PYGL: variants seen among roughly 807,000 people sequenced by gnomAD.
PYGL encodes glycogen phosphorylase L, also known as glycogen phosphorylase, liver form.
A neutral mutation model predicts 100.1 loss-of-function variants in PYGL; 90 were observed. The ratio of observed to expected loss-of-function variants is 0.90; its 90% CI spans 0.76 to 1.07. The LOEUF (loss-of-function observed/expected upper bound fraction) is 1.07, where lower values mean the gene tolerates loss of function less well. Among genes scored for constraint, PYGL ranks in the 50% least tolerant of loss-of-function variants. The pLI is 0.00. For synonymous variants in PYGL, 373 were observed against 393.0 expected, an observed-to-expected ratio of 0.95 and a Z score of 0.60; for missense variants, 1,016 against 1,057.6, an observed-to-expected ratio of 0.96 and a Z score of 0.55.
intron 4 of PYGL, among the ~76,000 whole-genome samples, chr14:50,925,766 T>G (rs986628543): frequency 2.0e-5 from 3 of 152,212 alleles, no homozygotes; most frequent in African/African-American, 7.2e-5. Flanking sequence ...GAAATGGGAC[T>G]CATAGCAACA....
chr14:50,917,375 T>A (rs532584377), intron 7 of PYGL, among the ~76,000 whole-genome samples: 1 of 152,274 alleles, frequency 6.6e-6, no homozygotes, highest in Non-Finnish European at 1.5e-5. Flanking sequence ...GAAAAACAGA[T>A]GCATGAGTGG....
chr14:50,936,961 C>A (rs1428947358), intron 2 of PYGL, among the ~76,000 whole-genome samples: 1 of 152,118 alleles, frequency 6.6e-6, no homozygotes, highest in East Asian at 1.9e-4. Context: ...AGGAAATACT[C>A]CACCTAACCC....
intron 4 of PYGL, among the ~76,000 whole-genome samples, chr14:50,926,103 G>T (rs1019419112): frequency 1.3e-5 from 2 of 152,144 alleles, no homozygotes; most frequent in Non-Finnish European, 1.5e-5. Flanking sequence ...AGAGAACAAA[G>T]ATAAAATTTT....
Position 50,915,920 on chromosome 14 carries a change from G to C in PYGL, c.1144C>G (p.Pro382Ala). 1 of 1,614,254 alleles carries C rather than the reference G, an allele frequency of 6.2e-7. No homozygotes were observed. Residue 382 changes from proline to alanine, a missense_variant, in exon 10 of 20, where the codon CCG (proline) becomes GCG (alanine). Coordinates refer to ENST00000216392, the MANE Select transcript of PYGL (RefSeq NM_002863.5). ...TFAYTNHTVL[P>A]EALERWPVDL... is the part of the protein sequence containing the mutation. ...ACGGGCCAGCGCTCCAGGGCTTCCG[G>C]GAGCACTGTGTGGTTGGTGTAGGCG...
At position 50,905,221 on chromosome 14, in the gene PYGL, C is replaced by T. The variant is rs1387929988; in HGVS notation, c.*171G>A. On this transcript the variant is annotated 3_prime_UTR_variant, in exon 20 of 20. Coordinates refer to ENST00000216392, the MANE Select transcript of PYGL (RefSeq NM_002863.5). ...AAATAAGTTTTGGCACTCATGTAGC[C>T]CTTGGAAATTGACACTTTATTTTTA... The T allele has an allele frequency of 2.9e-6, 2 of 679,770 alleles. No individual in the cohort carries two copies. Among genetic ancestry groups the T allele is most frequent in the Non-Finnish European group, 4.9e-6 (2 of 407,860 alleles). 42.1% of individuals were successfully genotyped at this position (679,770 alleles called of 1,614,324 possible).
intron 7 of PYGL, among the ~76,000 whole-genome samples, chr14:50,919,094 A>T (rs916585671): frequency 3.3e-5 from 5 of 152,214 alleles, no homozygotes; most frequent in African/African-American, 1.2e-4. Flanking sequence ...TACCCAACAA[A>T]TCTAGTCAAT....
At chr14:50,934,307 C>A (rs1401058616) in intron 3 of PYGL, among the ~76,000 whole-genome samples, 4 of 152,216 alleles carry the variant, frequency 2.6e-5, no homozygotes, top group African/African-American at 9.6e-5. Flanking sequence ...CAATGGTTGA[C>A]CAACTGGGGT....
chr14:50,919,368 C>T (rs1453507717), intron 7 of PYGL, among the ~76,000 whole-genome samples: 1 of 152,136 alleles, frequency 6.6e-6, no homozygotes, highest in Admixed American at 6.5e-5. Flanking sequence ...TAGCATATAC[C>T]ATTAGGTTCC....
intron 18 of PYGL, 43 bp downstream of exon 18, chr14:50,908,778 C>T: frequency 1.3e-6 from 2 of 1,530,608 alleles, no homozygotes; most frequent in South Asian, 2.2e-5. Flanking sequence ...TTCTTGTCCC[C>T]CTTTCATGAT....
In PYGL at chr14:50,931,746, C is replaced by A. The variant is rs746173801; in HGVS notation, c.455G>T (p.Gly152Val). ...ACFLDSMATL[G>V]LAAYGYGIRY... ...AATGCCGTATCCATAGGCTGCAAGT[C>A]CCAGGGTTGCCATGGAATCCAAGAA... Residue 152 changes from glycine to valine, a missense_variant, in exon 4 of 20, where the codon GGA becomes GTA. Physicochemically the swap from Gly to Val is moderately radical, Grantham distance 109. Transcript: ENST00000216392. 1 of 1,613,866 alleles carries A rather than the reference C, an allele frequency of 6.2e-7. No homozygotes were observed. The highest frequency in any genetic ancestry group is 8.5e-7 in the Non-Finnish European group (1 of 1,179,864).
chr14:50,912,138 G>T lies in PYGL; in HGVS notation c.1768+18C>A. ...CTTCCACCTGCAAGGGGGCTTGTTG[G>T]CTACAGGGCTGACTCACGGTTGTAC... On this transcript the variant is annotated intron_variant, in intron 14 of 19. Coordinates refer to ENST00000216392, the MANE Select transcript of PYGL (RefSeq NM_002863.5). 4 of 1,614,204 alleles carry T rather than the reference G, an allele frequency of 2.5e-6. No homozygotes were observed. The highest frequency in any genetic ancestry group is 3.4e-6 in the Non-Finnish European group (4 of 1,180,034).
At chr14:50,917,784 C>G (rs1447647441) in intron 7 of PYGL, among the ~76,000 whole-genome samples, 1 of 152,224 alleles carries the variant, frequency 6.6e-6, no homozygotes, top group Non-Finnish European at 1.5e-5. Context: ...CCAAGTTCCT[C>G]CCACATAGAT....
intron 13 of PYGL, 123 bp from the exon 14 acceptor site, chr14:50,912,426 T>A: frequency 8.0e-7 from 1 of 1,247,618 alleles, no homozygotes; most frequent in Non-Finnish European, 1.2e-6. Context: ...TGGCATGATC[T>A]CAGATCACCG....
At chr14:50,934,952 C>G (rs1024798483) in intron 3 of PYGL, among the ~76,000 whole-genome samples, 155 bp downstream of exon 3, 1 of 152,098 alleles carries the variant, frequency 6.6e-6, no homozygotes, top group Non-Finnish European at 1.5e-5. Flanking sequence ...TTGATCAAAC[C>G]AAAGTGCAAA....
intron 13 of PYGL, 45 bp downstream of exon 13, chr14:50,912,984 C>A (rs774433354): frequency 3.1e-5 from 48 of 1,556,944 alleles, no homozygotes; most frequent in Admixed American, 8.4e-5. Flanking sequence ...AGGATAAACT[C>A]TCACAGTGAG....
Position 50,924,052 on chromosome 14 carries a change from A to C in PYGL, c.577T>G (p.Ser193Ala), listed in dbSNP as rs1453212091. 1 of 1,613,714 alleles carries C rather than the reference A, an allele frequency of 6.2e-7. No homozygotes were observed. The highest frequency in any genetic ancestry group is 1.3e-5 in the African/African-American group (1 of 75,022). Residue 193 changes from serine (S) to alanine (A), a missense_variant, in exon 5 of 20, where the codon TCC (serine) becomes GCC (alanine). By Grantham distance (99) the Ser-to-Ala change is moderately conservative. Transcript: ENST00000216392. ...ACAGGCAGCATGAATTCTGGGCGGGACTTCTCCCAAGGGTTTCCATATCTG... is the reference window on the plus strand; with the variant it reads ...ACAGGCAGCATGAATTCTGGGCGGGCCTTCTCCCAAGGGTTTCCATATCTG... ...WLRYGNPWEKSRPEFMLPVHF... is the reference protein window; with the variant it reads ...WLRYGNPWEKARPEFMLPVHF...
intron 1 of PYGL, among the ~76,000 whole-genome samples, chr14:50,941,855 G>A (rs897549388): frequency 5.3e-5 from 8 of 152,268 alleles, no homozygotes; most frequent in African/African-American, 1.7e-4. Flanking sequence ...TCCAACATGG[G>A]TGACAGAGTG....
At chr14:50,919,978 C>T (rs2050486025) in intron 7 of PYGL, among the ~76,000 whole-genome samples, 1 of 151,866 alleles carries the variant, frequency 6.6e-6, no homozygotes, top group Non-Finnish European at 1.5e-5. Flanking sequence ...GCCATTGCAC[C>T]TGGCCCCAAG....
At position 50,905,375 on chromosome 14, in the gene PYGL, A is replaced by T; in HGVS notation, c.*17T>A. 1 of 1,578,272 alleles carries T rather than the reference A, an allele frequency of 6.3e-7. No homozygotes were observed. Among genetic ancestry groups the T allele is most frequent in the Non-Finnish European group, 8.6e-7 (1 of 1,163,460 alleles). Reference sequence around the variant, plus strand: ...AGTTCAGTAAGAAGCTATGTTTTCTAGAGACAATTCTAGAGTTCAATTTCC... The same window carrying T: ...AGTTCAGTAAGAAGCTATGTTTTCTTGAGACAATTCTAGAGTTCAATTTCC... On this transcript the variant is annotated 3_prime_UTR_variant, in exon 20 of 20. Transcript: ENST00000216392.
Sources: allele counts gnomAD v4.1 joint callset (sites outside exome capture counted in the v4.1 genomes callset), GRCh38; gene constraint gnomAD v4.1.1; transcripts MANE v1.5; gene names NCBI Gene and HGNC (gene_info 2026-07-23, HGNC 2026-07-21).